The following CNTN5 variants were observed in gnomAD, a reference collection of about 807,000 sequenced individuals.
The protein encoded by CNTN5 is contactin-5.
A neutral mutation model predicts 129.1 loss-of-function variants in CNTN5; 77 were observed. The observed-to-expected ratio is 0.60, with a 90% CI of 0.50 to 0.72. The LOEUF (loss-of-function observed/expected upper bound fraction) is 0.72. Ranked by LOEUF, CNTN5 falls within the 30% of genes least tolerant of loss-of-function variation. The pLI is 0.00. For missense variants in CNTN5, 1,478 were observed against 1,328.8 expected (o/e 1.11, Z -1.75); for synonymous variants, 509 against 465.6 (o/e 1.09, Z -1.20).
chr11:99,243,713 A>G (rs1218853999), intron 1 of CNTN5, among the ~76,000 whole-genome samples: 2 of 148,282 alleles, frequency 1.3e-5, no homozygotes, highest in South Asian at 2.1e-4. Flanking sequence ...TTTATTCAAT[A>G]GGAAGTCCTT....
At chr11:99,632,201 G>A (rs944621722) in intron 3 of CNTN5, among the ~76,000 whole-genome samples, 9 of 150,272 alleles carry the variant, frequency 6.0e-5, no homozygotes, top group Non-Finnish European at 4.4e-5. Context: ...GTGCTAAAAT[G>A]TAATAATGTA....
intron 21 of CNTN5, among the ~76,000 whole-genome samples, chr11:100,323,459 T>C (rs1215835927): frequency 6.6e-6 from 1 of 152,162 alleles, no homozygotes; most frequent in African/African-American, 2.4e-5. Flanking sequence ...GTTTCAGACT[T>C]TCAAGAGTAA....
chr11:99,069,941 C>A (rs1012860145), intron 1 of CNTN5, among the ~76,000 whole-genome samples: 5 of 152,130 alleles, frequency 3.3e-5, no homozygotes, highest in Admixed American at 2.0e-4. Context: ...ATTTAATTAG[C>A]CATTTAACTT....
At chr11:100,248,280 C>T (rs1269171349) in intron 16 of CNTN5, among the ~76,000 whole-genome samples, 1 of 152,128 alleles carries the variant, frequency 6.6e-6, no homozygotes, top group Non-Finnish European at 1.5e-5. Context: ...GGTAGGGTGG[C>T]TCGTGCCTGT....
chr11:99,044,796 A>G (rs896622998), intron 1 of CNTN5, among the ~76,000 whole-genome samples: 3 of 152,164 alleles, frequency 2.0e-5, no homozygotes, highest in Non-Finnish European at 2.9e-5. Context: ...TAGGATGATA[A>G]TAATGCAAAT....
In CNTN5 at chr11:100,285,063, T is replaced by G. The variant is rs577317291; in HGVS notation, c.2315-12562T>G. 1.3e-5 allele frequency among the ~76,000 whole-genome samples: 2 copies of G among 152,324 alleles called. 1 individual carries two copies. The highest frequency in any genetic ancestry group is 4.1e-4 in the South Asian group (2 of 4,826). ...ATTCTATTAAATAAGATTTTTTAAA[T>G]GCATGTAAAGAGCTTAGCATAGTGC... On this transcript the variant is annotated intron_variant, in intron 18 of 24. Coordinates refer to ENST00000524871, the MANE Select transcript of CNTN5 (RefSeq NM_014361.4).
At chr11:100,077,656 T>C (rs1343992191) in intron 13 of CNTN5, among the ~76,000 whole-genome samples, 1 of 151,728 alleles carries the variant, frequency 6.6e-6, no homozygotes, top group African/African-American at 2.4e-5. Flanking sequence ...CTCCTATCTC[T>C]ACAAAAAATA....
At chr11:99,790,757 C>T (rs1455109176) in intron 3 of CNTN5, among the ~76,000 whole-genome samples, 1 of 152,056 alleles carries the variant, frequency 6.6e-6, no homozygotes, top group Non-Finnish European at 1.5e-5. Flanking sequence ...AACAAGTTTT[C>T]ACAATGCTGA....
intron 18 of CNTN5, among the ~76,000 whole-genome samples, chr11:100,284,333 C>A (rs1302006758): frequency 6.6e-6 from 1 of 152,206 alleles, no homozygotes; most frequent in Non-Finnish European, 1.5e-5. Flanking sequence ...CTTGCTCTGC[C>A]ACCATCTCCT....
chr11:99,982,451 G>A (rs1938406628), intron 8 of CNTN5, among the ~76,000 whole-genome samples: 1 of 152,060 alleles, frequency 6.6e-6, no homozygotes, highest in Non-Finnish European at 1.5e-5. Flanking sequence ...AAAGGCAAAG[G>A]TAGTGAAGGT....
At chr11:100,220,870 T>A (rs540607539) in intron 15 of CNTN5, among the ~76,000 whole-genome samples, 1 of 152,304 alleles carries the variant, frequency 6.6e-6, no homozygotes, top group South Asian at 2.1e-4. Context: ...TTTTCTCTTT[T>A]CCTAACTTAC....
chr11:100,327,522 A>G (rs2138977718), intron 21 of CNTN5, among the ~76,000 whole-genome samples: 1 of 152,276 alleles, frequency 6.6e-6, no homozygotes, highest in African/African-American at 2.4e-5. Context: ...CCTATCCCTC[A>G]AGTTAGATCT....
intron 6 of CNTN5, among the ~76,000 whole-genome samples, chr11:99,905,057 G>T (rs1397904086): frequency 6.6e-6 from 1 of 152,116 alleles, no homozygotes; most frequent in Non-Finnish European, 1.5e-5. Context: ...TTATCAGACA[G>T]ATAGATTGCA....
chr11:100,153,821 T>G (rs1947142907), intron 13 of CNTN5, among the ~76,000 whole-genome samples: 1 of 152,056 alleles, frequency 6.6e-6, no homozygotes, highest in Non-Finnish European at 1.5e-5. Flanking sequence ...TGCTAACTTT[T>G]GTTTATATAT....
chr11:99,593,750 C>T (rs761955727), intron 3 of CNTN5, among the ~76,000 whole-genome samples: 11 of 152,190 alleles, frequency 7.2e-5, no homozygotes, highest in Non-Finnish European at 1.0e-4. Flanking sequence ...TTCAACCTCT[C>T]CTTCTTCTGT....
Position 100,154,192 on chromosome 11 carries a change from C to T in CNTN5, c.1581-36934C>T, listed in dbSNP as rs1175395014. On this transcript the variant is annotated intron_variant, in intron 13 of 24. Transcript: ENST00000524871. ...CATTGTTTACTGCCGCTAATGAGGA[C>T]ATGCAGTGTTTGGCTTTCTGTTCTT... Among the ~76,000 whole-genome samples, 4 of 152,114 alleles carry T rather than the reference C, an allele frequency of 2.6e-5. No homozygotes were observed. In the East Asian group the frequency reaches 7.8e-4, roughly 30 times the overall value.
chr11:99,620,639 C>T (rs1348042504), intron 3 of CNTN5, among the ~76,000 whole-genome samples: 3 of 151,232 alleles, frequency 2.0e-5, no homozygotes, highest in Admixed American at 1.3e-4. Context: ...CAGCAGAAAT[C>T]CCAGGAAAGG....
intron 13 of CNTN5, among the ~76,000 whole-genome samples, chr11:100,164,657 G>T (rs566509055): frequency 6.6e-6 from 1 of 151,616 alleles, no homozygotes; most frequent in Admixed American, 6.6e-5. Context: ...TAACAGAAAA[G>T]ACATGGAATA....
intron 13 of CNTN5, among the ~76,000 whole-genome samples, chr11:100,077,269 T>C (rs1944168166): frequency 6.6e-6 from 1 of 152,150 alleles, no homozygotes; most frequent in African/African-American, 2.4e-5. Flanking sequence ...GGTGTGGAGA[T>C]TCAAATCATG....
Sources: gnomAD v4.1 joint callset for allele counts (sites outside exome capture counted in the v4.1 genomes callset) on GRCh38, gnomAD v4.1.1 for gene constraint, MANE v1.5 for transcripts, NCBI Gene and HGNC (gene_info 2026-07-23, HGNC 2026-07-21) for gene names.